Variants in USPL1 observed in about 807,000 individuals in gnomAD.
USPL1 encodes SUMO-specific isopeptidase USPL1.
A neutral mutation model predicts 51.5 loss-of-function variants in USPL1; 27 were observed. The ratio of observed to expected loss-of-function variants is 0.52; its 90% CI spans 0.39 to 0.72. The LOEUF is 0.72. USPL1 is among the 30% of genes least tolerant of loss of function. USPL1 has a pLI of 0.00. For missense variants in USPL1, 1,226 were observed against 1,268.0 expected (o/e 0.97, Z 0.50); for synonymous variants, 451 against 459.6 (o/e 0.98, Z 0.24).
chr13:30,641,937 C>T (rs549384031), intron 5 of USPL1, among the ~76,000 whole-genome samples: 15 of 150,538 alleles, frequency 1.0e-4, no homozygotes, highest in Middle Eastern at 3.4e-3. Context: ...GACGAGGTCT[C>T]GCTCTGTCAC....
At chr13:30,626,170 C>T (rs936675292) in intron 3 of USPL1, among the ~76,000 whole-genome samples, 3 of 151,860 alleles carry the variant, frequency 2.0e-5, no homozygotes, top group Non-Finnish European at 2.9e-5. Flanking sequence ...ACAAAATAGC[C>T]GGGTGTGGTG....
chr13:30,626,205 T>C (rs1950713324), intron 3 of USPL1, among the ~76,000 whole-genome samples: 1 of 152,036 alleles, frequency 6.6e-6, no homozygotes, highest in Non-Finnish European at 1.5e-5. Context: ...TCCCAGCTAC[T>C]TGGGAGGCTG....
rs764428638 is a variant in USPL1 at position 30,653,263 on chromosome 13, C to T, written c.1354C>T (p.Arg452Ter). ...TCAGATAACTTCTGTAATTCAGTAT[C>T]GAGCAAATAATCATTTTATAACATG... ...LYQITSVIQY[R>*]ANNHFITWIL... is the part of the protein sequence containing the mutation. The change falls in exon 8 of 9, where the codon CGA becomes TGA. Residue 452 changes from arginine (R) to a stop codon, truncating the protein, a stop_gained. Coordinates refer to ENST00000255304, the MANE Select transcript of USPL1 (RefSeq NM_005800.5). LOFTEE classifies it low-confidence loss of function (END_TRUNC). 10 of 1,609,100 alleles carry T rather than the reference C, an allele frequency of 6.2e-6. No individual in the cohort carries two copies. Among genetic ancestry groups the T allele is most frequent in the South Asian group, 2.2e-5 (2 of 90,554 alleles).
Position 30,631,432 on chromosome 13 carries a change from G to A in USPL1, c.826G>A (p.Ala276Thr). The A allele has an allele frequency of 6.2e-7, 1 of 1,614,160 alleles. No homozygotes were observed. Among genetic ancestry groups the A allele is most frequent in the Non-Finnish European group, 8.5e-7 (1 of 1,180,032 alleles). ...GCGGTTGCTTACAAAATATAATCAA[G>A]CAAATACACTTCTATATACCAGTCA... ...FWRLLTKYNQ[A>T]NTLLYTSQLS... Residue 276 changes from alanine to threonine, a missense_variant, in exon 4 of 9, where the codon GCA becomes ACA. By Grantham distance (58) the Ala-to-Thr change is moderately conservative. Transcript: ENST00000255304.
At position 30,635,164 on chromosome 13, in the gene USPL1, T is replaced by C. The variant is rs1218128204; in HGVS notation, c.869-2580T>C. On this transcript the variant is annotated intron_variant, in intron 4 of 8. Coordinates refer to ENST00000255304, the MANE Select transcript of USPL1 (RefSeq NM_005800.5). ...ACTTTTTAAAAACTGTCTTGATTTA[T>C]AGGGAAGTCTTTATCTTTTCATTTG... Among the ~76,000 whole-genome samples, 3 of 152,250 alleles carry C rather than the reference T, an allele frequency of 2.0e-5. No individual in the cohort carries two copies. The East Asian group carries it at 5.8e-4, about 29-fold the overall frequency.
intron 3 of USPL1, among the ~76,000 whole-genome samples, chr13:30,623,862 G>A (rs1169299293): frequency 6.6e-6 from 1 of 152,148 alleles, no homozygotes; most frequent in Non-Finnish European, 1.5e-5. Flanking sequence ...TATGCTTAGA[G>A]GAAGTGGAAG....
At chr13:30,630,177 T>C (rs1950782386) in intron 3 of USPL1, among the ~76,000 whole-genome samples, 1 of 152,130 alleles carries the variant, frequency 6.6e-6, no homozygotes, top group African/African-American at 2.4e-5. Flanking sequence ...AGACCTTTAG[T>C]GTAGAGGGTT....
chr13:30,638,701 T>A (rs1359879047), intron 5 of USPL1, among the ~76,000 whole-genome samples: 1 of 151,812 alleles, frequency 6.6e-6, no homozygotes, highest in African/African-American at 2.4e-5. Flanking sequence ...TCCCTATTAG[T>A]AATAACCCAT....
chr13:30,619,209 C>T (rs976818963), intron 1 of USPL1, among the ~76,000 whole-genome samples: 1 of 152,110 alleles, frequency 6.6e-6, no homozygotes, highest in Non-Finnish European at 1.5e-5. Context: ...GTATGTAAGT[C>T]AAAGTGAATT....
chr13:30,628,288 G>A (rs1950751701), intron 3 of USPL1, among the ~76,000 whole-genome samples: 1 of 151,870 alleles, frequency 6.6e-6, no homozygotes, highest in South Asian at 2.1e-4. Context: ...ATTTCACTTG[G>A]CATAATGGCC....
intron 7 of USPL1, among the ~76,000 whole-genome samples, chr13:30,651,011 A>T (rs1319676730): frequency 2.0e-5 from 3 of 152,090 alleles, no homozygotes; most frequent in Non-Finnish European, 4.4e-5. Flanking sequence ...ACCAAAAAAA[A>T]AAAAAAAATT....
chr13:30,652,555 G>T (rs192533904), intron 7 of USPL1, among the ~76,000 whole-genome samples: 2 of 152,124 alleles, frequency 1.3e-5, no homozygotes, highest in African/African-American at 4.8e-5. Context: ...AATTATAGTT[G>T]TCTTGAAGTT....
At chr13:30,641,405 C>G (rs1428748462) in intron 5 of USPL1, among the ~76,000 whole-genome samples, 1 of 150,548 alleles carries the variant, frequency 6.6e-6, no homozygotes, top group Non-Finnish European at 1.5e-5. Flanking sequence ...GGTGACTGTT[C>G]CTGGCCATGT....
intron 4 of USPL1, among the ~76,000 whole-genome samples, chr13:30,633,975 T>C (rs1290976247): frequency 6.6e-6 from 1 of 152,174 alleles, no homozygotes; most frequent in Non-Finnish European, 1.5e-5. Context: ...AATTTCTTTT[T>C]CTTTCTTCGC....
intron 5 of USPL1, among the ~76,000 whole-genome samples, chr13:30,638,609 T>C (rs1025032731): frequency 6.6e-6 from 1 of 152,072 alleles, no homozygotes; most frequent in African/African-American, 2.4e-5. Flanking sequence ...TTTGTTTTTG[T>C]TTTGAAAGGG....
In USPL1 at chr13:30,643,646, G is replaced by A. The variant is rs191846121; in HGVS notation, c.1112+889G>A. On this transcript the variant is annotated intron_variant, in intron 6 of 8. Coordinates refer to ENST00000255304, the MANE Select transcript of USPL1 (RefSeq NM_005800.5). The stretch of plus-strand genomic sequence containing the variant: ...TTTTTTGAGTTGGAGTCTCGCTCCC[G>A]TCACACAGGCTGGAGTGCAGCAGCG... Among the ~76,000 whole-genome samples, 8 of 114,844 alleles carry A rather than the reference G, an allele frequency of 7.0e-5. No homozygotes were observed. In the Admixed American group the frequency reaches 9.4e-4, roughly 14 times the overall value. 75.3% of individuals were successfully genotyped at this position (114,844 alleles called of 152,430 possible).
In USPL1 at chr13:30,652,322, G is replaced by C. The variant is rs575275194; in HGVS notation, c.1239-826G>C. 9.9e-5 allele frequency among the ~76,000 whole-genome samples: 15 copies of C among 152,284 alleles called. No homozygotes were observed. In the South Asian group the frequency reaches 3.1e-3, roughly 32 times the overall value. On this transcript the variant is annotated intron_variant, in intron 7 of 8. Transcript: ENST00000255304. ...AGGATTAATGTATAAATTATACCTT[G>C]TCAGTCTGAACAATCTGCAGTTTGG...
chr13:30,643,828 T>C (rs1566055631), intron 6 of USPL1, among the ~76,000 whole-genome samples: 1 of 149,996 alleles, frequency 6.7e-6, no homozygotes, highest in Non-Finnish European at 1.5e-5. Flanking sequence ...CAGGCTGGTC[T>C]TGAACTCCTG....
intron 8 of USPL1, among the ~76,000 whole-genome samples, chr13:30,656,536 T>A (rs751683463): frequency 6.6e-6 from 1 of 152,246 alleles, no homozygotes; most frequent in Non-Finnish European, 1.5e-5. Flanking sequence ...TGTAGCAGAA[T>A]GTCATTCCTT....
Sources: allele counts gnomAD v4.1 joint callset (sites outside exome capture counted in the v4.1 genomes callset), GRCh38; gene constraint gnomAD v4.1.1; transcripts MANE v1.5; gene names NCBI Gene and HGNC (gene_info 2026-07-23, HGNC 2026-07-21).